The following GMDS variants were observed in gnomAD, a reference collection of about 807,000 sequenced individuals.
GMDS encodes the protein GDP-mannose 4,6 dehydratase.
A neutral mutation model predicts 49.9 loss-of-function variants in GMDS; 20 were observed. The ratio of observed to expected loss-of-function variants is 0.40; its 90% CI spans 0.28 to 0.58. GMDS has a LOEUF of 0.58. Among genes scored for constraint, GMDS ranks in the 20% least tolerant of loss-of-function variants. The pLI is 0.42. For synonymous variants in GMDS, 177 were observed against 178.6 expected (o/e 0.99, Z 0.07); for missense variants, 362 against 481.4 (o/e 0.75, Z 2.32).
At chr6:1,928,918 G>A (rs761585561) in intron 7 of GMDS, among the ~76,000 whole-genome samples, 5 of 152,036 alleles carry the variant, frequency 3.3e-5, no homozygotes, top group Non-Finnish European at 7.4e-5. Flanking sequence ...GTAGTGAGGC[G>A]AAATCATGCC....
intron 6 of GMDS, among the ~76,000 whole-genome samples, chr6:1,958,518 A>G (rs1561923232): frequency 6.6e-6 from 1 of 152,146 alleles, no homozygotes; most frequent in African/African-American, 2.4e-5. Flanking sequence ...AATGTTTCTC[A>G]CTGCTTGTGA....
At chr6:2,105,275 AAATT>A (rs1280237210) in intron 4 of GMDS, among the ~76,000 whole-genome samples, 1 of 152,138 alleles carries the variant, frequency 6.6e-6, no homozygotes, top group East Asian at 1.9e-4. Context: ...ACAGATGAAA[AAATT>A]ATTTACACAC....
chr6:2,088,222 A>C (rs2127473937), intron 4 of GMDS, among the ~76,000 whole-genome samples: 1 of 152,322 alleles, frequency 6.6e-6, no homozygotes, highest in East Asian at 1.9e-4. Flanking sequence ...AGCGGAGATC[A>C]GAAAAAAAAT....
intron 7 of GMDS, among the ~76,000 whole-genome samples, chr6:1,852,506 T>C (rs1379383235): frequency 1.3e-5 from 2 of 152,194 alleles, no homozygotes; most frequent in African/African-American, 2.4e-5. Flanking sequence ...CAAACGAGTT[T>C]AACAGGGCTT....
At chr6:1,916,880 A>G (rs1451291352) in intron 7 of GMDS, among the ~76,000 whole-genome samples, 1 of 146,794 alleles carries the variant, frequency 6.8e-6, no homozygotes, top group Non-Finnish European at 1.5e-5. Context: ...AAGCTTCTTC[A>G]GGTTTTTTTT....
At chr6:2,107,765 C>T (rs976307058) in intron 4 of GMDS, among the ~76,000 whole-genome samples, 6 of 152,242 alleles carry the variant, frequency 3.9e-5, no homozygotes, top group African/African-American at 1.4e-4. Context: ...CACCTACTCA[C>T]TGTACCTGTA....
chr6:1,982,044 C>T (rs1177618840), intron 4 of GMDS, among the ~76,000 whole-genome samples: 2 of 152,164 alleles, frequency 1.3e-5, no homozygotes, highest in East Asian at 1.9e-4. Context: ...GTGGCTCACA[C>T]CTGTAATCCA....
chr6:1,838,927 C>T (rs553067041), intron 7 of GMDS, among the ~76,000 whole-genome samples: 2 of 152,162 alleles, frequency 1.3e-5, no homozygotes, highest in African/African-American at 2.4e-5. Context: ...TCCAAAGGAG[C>T]GTCCAAATTA....
intron 3 of GMDS, among the ~76,000 whole-genome samples, chr6:2,116,628 T>G (rs1241755076): frequency 1.3e-5 from 2 of 152,222 alleles, no homozygotes; most frequent in Non-Finnish European, 2.9e-5. Context: ...ATCATCTTCC[T>G]GATGCTGTCA....
intron 6 of GMDS, among the ~76,000 whole-genome samples, chr6:1,939,476 T>C (rs998584401): frequency 7.2e-5 from 11 of 151,756 alleles, no homozygotes; most frequent in African/African-American, 2.7e-4. Flanking sequence ...GGGTGTTCCC[T>C]AAAGACCCAA....
chr6:1,849,706 A>G lies in GMDS; in HGVS notation c.771+80397T>C, dbSNP rs12213232. On this transcript the variant is annotated intron_variant, in intron 7 of 10. Coordinates refer to ENST00000380815, the MANE Select transcript of GMDS (RefSeq NM_001500.4). Reference sequence around the variant, plus strand: ...AATTTGACTTTCCAAAATGTTTATTATAAGCTCTTTATTCTAAAGAGTCTA... The same window carrying G: ...AATTTGACTTTCCAAAATGTTTATTGTAAGCTCTTTATTCTAAAGAGTCTA... Among the ~76,000 whole-genome samples, 1,499 of 152,338 alleles carry G rather than the reference A, an allele frequency of 9.8e-3. 13 individuals are homozygous for G. The highest frequency in any genetic ancestry group is 0.017 in the South Asian group (81 of 4,828).
chr6:1,925,950 G>C (rs552317163), intron 7 of GMDS, among the ~76,000 whole-genome samples: 1 of 152,142 alleles, frequency 6.6e-6, no homozygotes, highest in African/African-American at 2.4e-5. Context: ...AGAGAATGTC[G>C]AGAGCATACC....
intron 9 of GMDS, among the ~76,000 whole-genome samples, chr6:1,688,577 T>C (rs9392319): frequency 0.35 from 53,633 of 152,098 alleles, 9,761 homozygotes; most frequent in East Asian, 0.49. Flanking sequence ...AGCTATTGAG[T>C]CACAAATCCA....
chr6:1,672,641 C>T (rs1483199603), intron 9 of GMDS, among the ~76,000 whole-genome samples: 1 of 152,144 alleles, frequency 6.6e-6, no homozygotes. Context: ...GAGGGTTCAC[C>T]CGGGAGTACA....
intron 7 of GMDS, among the ~76,000 whole-genome samples, chr6:1,756,464 G>T (rs1443848134): frequency 6.6e-6 from 1 of 151,982 alleles, no homozygotes; most frequent in Non-Finnish European, 1.5e-5. Flanking sequence ...TGGAGAGAGG[G>T]TTTCACCATG....
chr6:1,915,027 T>A (rs1304300898), intron 7 of GMDS, among the ~76,000 whole-genome samples: 1 of 152,242 alleles, frequency 6.6e-6, no homozygotes, highest in African/African-American at 2.4e-5. Context: ...CTACAGCAGG[T>A]GGCTGGCATC....
intron 1 of GMDS, among the ~76,000 whole-genome samples, chr6:2,157,975 C>A (rs369047508): frequency 6.6e-6 from 1 of 152,210 alleles, no homozygotes; most frequent in East Asian, 1.9e-4. Flanking sequence ...AATCTGCCTG[C>A]CTGATACAGT....
At chr6:2,225,602 C>T (rs769817449) in intron 1 of GMDS, among the ~76,000 whole-genome samples, 37 of 152,134 alleles carry the variant, frequency 2.4e-4, no homozygotes, top group Non-Finnish European at 4.4e-4. Flanking sequence ...GGCTTGCATC[C>T]GGATCAGTGT....
intron 8 of GMDS, among the ~76,000 whole-genome samples, chr6:1,735,269 A>G (rs999742985): frequency 6.6e-6 from 1 of 152,036 alleles, no homozygotes; most frequent in Admixed American, 6.5e-5. Flanking sequence ...ACAAATCTTC[A>G]CCAAGCACCC....
Sources: gnomAD v4.1 joint callset for allele counts (sites outside exome capture counted in the v4.1 genomes callset) on GRCh38, gnomAD v4.1.1 for gene constraint, MANE v1.5 for transcripts, NCBI Gene and HGNC (gene_info 2026-07-23, HGNC 2026-07-21) for gene names.